RP1: variants seen among roughly 807,000 people sequenced by gnomAD.
RP1 encodes RP1 axonemal microtubule associated, also known as oxygen-regulated protein 1.
RP1 carries 16 observed loss-of-function variants against 14.8 expected under a neutral mutation model. The ratio of observed to expected loss-of-function variants is 1.08; its 90% CI spans 0.73 to 1.65. The LOEUF (loss-of-function observed/expected upper bound fraction) is 1.65. Among genes scored for constraint, RP1 ranks in the 40% most tolerant of loss-of-function variants. The pLI, the probability that RP1 is intolerant of heterozygous loss-of-function variation, is 0.00. For missense variants in RP1, 2,631 were observed against 2,535.0 expected (o/e 1.04, Z -0.81); for synonymous variants, 876 against 883.6 (o/e 0.99, Z 0.15).
intron 25 of RP1, among the ~76,000 whole-genome samples, chr8:54,851,163 A>G (rs1308002459): frequency 2.6e-5 from 4 of 152,170 alleles, no homozygotes. Flanking sequence ...GTTGAGAAGT[A>G]TCTGAGGCCA....
At chr8:54,808,559 G>A (rs1810913708) in intron 24 of RP1, among the ~76,000 whole-genome samples, 1 of 152,220 alleles carries the variant, frequency 6.6e-6, no homozygotes, top group Admixed American at 6.5e-5. Flanking sequence ...TATGGGATTG[G>A]AATACCCAGC....
At chr8:54,606,960 G>A (rs961353245) in intron 1 of RP1, among the ~76,000 whole-genome samples, 31 of 152,120 alleles carry the variant, frequency 2.0e-4, no homozygotes, top group African/African-American at 7.2e-4. Flanking sequence ...TTTTTTTCAA[G>A]GTTTTTAACT....
intron 1 of RP1, among the ~76,000 whole-genome samples, chr8:54,564,552 C>T (rs1309966174): frequency 6.6e-6 from 1 of 152,174 alleles, no homozygotes; most frequent in South Asian, 2.1e-4. Flanking sequence ...GTTTCAGTCC[C>T]GTTTCACAGA....
At chr8:54,593,237 G>A (rs1805078750) in intron 1 of RP1, among the ~76,000 whole-genome samples, 1 of 152,106 alleles carries the variant, frequency 6.6e-6, no homozygotes, top group South Asian at 2.1e-4. Context: ...CTGCCATCAA[G>A]GTCTAGAGAT....
At chr8:54,668,887 T>G (rs1807078648) in intron 7 of RP1, among the ~76,000 whole-genome samples, 1 of 152,252 alleles carries the variant, frequency 6.6e-6, no homozygotes, top group Admixed American at 6.5e-5. Context: ...TCAAGATGGG[T>G]TAAAGACTTA....
intron 4 of RP1, chr8:54,649,173 C>T (rs752844133): frequency 2.1e-6 from 3 of 1,446,750 alleles, no homozygotes; most frequent in South Asian, 1.5e-5. Flanking sequence ...TGAGTATAAA[C>T]TGTTAATATA....
At chr8:54,687,118 A>G (rs1349856507) in intron 12 of RP1, among the ~76,000 whole-genome samples, 2 of 152,078 alleles carry the variant, frequency 1.3e-5, no homozygotes, top group African/African-American at 2.4e-5. Context: ...AATCTTTTGT[A>G]TTACTCAATT....
intron 23 of RP1, among the ~76,000 whole-genome samples, chr8:54,778,325 T>C (rs1409859359): frequency 5.4e-4 from 79 of 145,212 alleles, no homozygotes; most frequent in South Asian, 8.7e-4. Context: ...CTTCTTCTTT[T>C]TTTTTTTTTT....
intron 24 of RP1, among the ~76,000 whole-genome samples, chr8:54,837,081 T>G (rs1292347700): frequency 1.3e-5 from 2 of 152,226 alleles, no homozygotes; most frequent in Non-Finnish European, 2.9e-5. Flanking sequence ...CTCACTGTAA[T>G]GGGAAAATTC....
chr8:54,757,878 C>G (rs1482111336), intron 21 of RP1, among the ~76,000 whole-genome samples: 2 of 152,126 alleles, frequency 1.3e-5, no homozygotes, highest in East Asian at 3.9e-4. Flanking sequence ...AGAAGATGCA[C>G]AAATATTCAT....
exon 6 of RP1, chr8:54,656,174 G>T: frequency 6.5e-7 from 1 of 1,535,642 alleles, no homozygotes; most frequent in South Asian, 1.2e-5. Flanking sequence ...GAAATCTGTC[G>T]AGAATTTCCT....
chr8:54,680,563 G>A (rs998519779), intron 12 of RP1, among the ~76,000 whole-genome samples: 6 of 152,204 alleles, frequency 3.9e-5, no homozygotes, highest in Middle Eastern at 3.4e-3. Flanking sequence ...GTTCAGTCTC[G>A]AGGATGTGCT....
At chr8:54,744,331 A>C (rs1809172705) in intron 19 of RP1, among the ~76,000 whole-genome samples, 1 of 152,142 alleles carries the variant, frequency 6.6e-6, no homozygotes. Context: ...AGGGCAAGGG[A>C]GCTCCCTAGG....
chr8:54,699,363 A>G, intron 12 of RP1: 1 of 445,140 alleles, frequency 2.2e-6, no homozygotes, highest in Non-Finnish European at 3.8e-6. Flanking sequence ...AAAACATTTA[A>G]TTGAGAAGTT....
Position 54,678,648 on chromosome 8 carries a change from G to A in RP1, c.1478+112G>A, listed in dbSNP as rs983724007. 11 of 793,692 alleles carry A rather than the reference G, an allele frequency of 1.4e-5. No homozygotes were observed. In the African/African-American group the frequency reaches 1.8e-4, roughly 13 times the overall value. The allele number at this position is 793,692 out of a possible 1,614,324, so 49.2% of individuals were successfully genotyped here. On this transcript the variant is annotated intron_variant, in intron 9 of 22. Transcript: ENST00000636932. The stretch of plus-strand genomic sequence containing the variant: ...GTTCCTAGTCACTGAGTCTTTGTTG[G>A]GTAACTTTTGTGAACATTAATTTTA...
intron 26 of RP1, among the ~76,000 whole-genome samples, chr8:54,852,906 G>T (rs965352490): frequency 6.6e-6 from 1 of 152,168 alleles, no homozygotes; most frequent in Admixed American, 6.5e-5. Flanking sequence ...TAGAGGATGG[G>T]ACTTAACTCA....
chr8:54,657,255 T>C (rs753729441), intron 6 of RP1, among the ~76,000 whole-genome samples: 5 of 152,196 alleles, frequency 3.3e-5, no homozygotes, highest in African/African-American at 1.2e-4. Flanking sequence ...TTCCTACCCA[T>C]TGTTAGTAAC....
chr8:54,610,438 A>G (rs987545332), intron 1 of RP1, among the ~76,000 whole-genome samples: 1 of 152,188 alleles, frequency 6.6e-6, no homozygotes, highest in Non-Finnish European at 1.5e-5. Context: ...TTTAAGCACC[A>G]TCAGTATATC....
intron 3 of RP1, among the ~76,000 whole-genome samples, chr8:54,623,821 C>T (rs1325739893): frequency 6.6e-6 from 1 of 152,102 alleles, no homozygotes; most frequent in African/African-American, 2.4e-5. Context: ...CTATGGATAC[C>T]TGTTTTGATA....
Sources: allele counts gnomAD v4.1 joint callset (sites outside exome capture counted in the v4.1 genomes callset), GRCh38; gene constraint gnomAD v4.1.1; transcripts MANE v1.5; gene names NCBI Gene and HGNC (gene_info 2026-07-23, HGNC 2026-07-21).